BFSP1: variants seen among roughly 807,000 people sequenced by gnomAD.
The protein encoded by BFSP1 is beaded filament structural protein 1.
Under a neutral mutation model 43.9 loss-of-function variants are expected in BFSP1, and 38 were observed. The observed-to-expected ratio is 0.87, with a 90% CI of 0.67 to 1.14. The LOEUF (loss-of-function observed/expected upper bound fraction) is 1.14, where lower values mean the gene tolerates loss of function less well. BFSP1 is among the 50% of genes most tolerant of loss of function. BFSP1 has a pLI of 0.00. For synonymous variants in BFSP1, 352 were observed against 354.8 expected, an observed-to-expected ratio of 0.99 and a Z score of 0.09; for missense variants, 850 against 875.1, an observed-to-expected ratio of 0.97 and a Z score of 0.36.
intron 2 of BFSP1, among the ~76,000 whole-genome samples, chr20:17,520,374 T>C (rs1168935367): frequency 2.0e-5 from 3 of 151,944 alleles, no homozygotes; most frequent in African/African-American, 7.3e-5. Context: ...ACTCAAATGG[T>C]GGGGATTAAA....
chr20:17,523,164 C>G (rs2034351951), intron 2 of BFSP1, among the ~76,000 whole-genome samples: 1 of 152,116 alleles, frequency 6.6e-6, no homozygotes, highest in African/African-American at 2.4e-5. Context: ...CTTATTTTTT[C>G]TACTGAGAAT....
rs566285273 is a variant in BFSP1 at position 17,529,517 on chromosome 20, T to C, written c.377+1436A>G. Among the ~76,000 whole-genome samples the C allele has an allele frequency of 2.6e-5, 4 of 152,306 alleles. No homozygotes were observed. The South Asian group carries it at 8.3e-4, about 32-fold the overall frequency. On this transcript the variant is annotated intron_variant, in intron 1 of 7. Coordinates refer to ENST00000377873, the MANE Select transcript of BFSP1 (RefSeq NM_001195.5). Reference sequence around the variant, plus strand: ...TCATTGGGGCATGTGCCTGTGTGTGTGTCTGTGTGTGTGTGTCTTTGTGTG... The same window carrying C: ...TCATTGGGGCATGTGCCTGTGTGTGCGTCTGTGTGTGTGTGTCTTTGTGTG...
chr20:17,532,505 G>A (rs200797716), upstream of BFSP1, among the ~76,000 whole-genome samples: 39 of 151,668 alleles, frequency 2.6e-4, no homozygotes, highest in East Asian at 7.2e-3. Context: ...AAAATGAGAT[G>A]GGGTCTTGCT....
exon 1 of BFSP1, chr20:17,558,754 G>A: frequency 6.5e-7 from 1 of 1,548,616 alleles, no homozygotes; most frequent in South Asian, 1.2e-5. Flanking sequence ...CATCCAAGGT[G>A]TGCTGCCTGC....
chr20:17,501,256 T>A (rs150507067), intron 5 of BFSP1, among the ~76,000 whole-genome samples: 2 of 152,170 alleles, frequency 1.3e-5, no homozygotes, highest in African/African-American at 2.4e-5. Flanking sequence ...TAAGTGAAAA[T>A]GTAGCTTTCA....
intron 7 of BFSP1, among the ~76,000 whole-genome samples, chr20:17,495,845 T>G (rs1310124744): frequency 2.6e-5 from 4 of 152,180 alleles, no homozygotes; most frequent in Non-Finnish European, 5.9e-5. Context: ...TTCCCACTGG[T>G]AACCACAGGG....
At chr20:17,534,980 C>G (rs1338949487), upstream of BFSP1, among the ~76,000 whole-genome samples, 1 of 151,940 alleles carries the variant, frequency 6.6e-6, no homozygotes, top group Non-Finnish European at 1.5e-5. Flanking sequence ...AATATCACGC[C>G]ACTGCACTCC....
At position 17,507,755 on chromosome 20, in the gene BFSP1, G is replaced by C. The variant is rs1463162812; in HGVS notation, c.735+1134C>G. Reference sequence around the variant, plus strand: ...CCAGGATGAGGCACATGGTCCCTGAGCCAGGGTTTGTCTCACAAGAAGGAG... The same window carrying C: ...CCAGGATGAGGCACATGGTCCCTGACCCAGGGTTTGTCTCACAAGAAGGAG... On this transcript the variant is annotated intron_variant, in intron 5 of 7. Coordinates refer to ENST00000377873, the MANE Select transcript of BFSP1 (RefSeq NM_001195.5). This position sits in a 1 kb window ranked among gnomAD's most constrained non-coding sequence, Gnocchi z 4.4. 6.6e-6 allele frequency among the ~76,000 whole-genome samples: 1 copy of C among 152,162 alleles called. No individual in the cohort carries two copies. Among genetic ancestry groups the C allele is most frequent in the Non-Finnish European group, 1.5e-5 (1 of 68,042 alleles).
chr20:17,537,519 T>C (rs2034646082), intron 1 of BFSP1, among the ~76,000 whole-genome samples: 1 of 130,834 alleles, frequency 7.6e-6, no homozygotes, highest in South Asian at 2.3e-4. Context: ...AAGAGAGCAC[T>C]AAGCATCCAA....
intron 1 of BFSP1, among the ~76,000 whole-genome samples, chr20:17,568,751 G>A (rs542240373): frequency 1.5e-4 from 23 of 152,186 alleles, no homozygotes; most frequent in African/African-American, 4.8e-4. Context: ...GGGTTCCTAT[G>A]TTGAGTGGGG....
At chr20:17,563,711 G>A (rs2035088534), upstream of BFSP1, among the ~76,000 whole-genome samples, 1 of 151,754 alleles carries the variant, frequency 6.6e-6, no homozygotes, top group Non-Finnish European at 1.5e-5. Context: ...GGGAGATCTT[G>A]TTTCCACACA....
chr20:17,497,607 C>T (rs1480515197), intron 6 of BFSP1, among the ~76,000 whole-genome samples: 2 of 107,932 alleles, frequency 1.9e-5, no homozygotes, highest in East Asian at 2.8e-4. Flanking sequence ...TATATATATA[C>T]GTATATATAC....
chr20:17,557,647 A>T (rs529285365), intron 1 of BFSP1, among the ~76,000 whole-genome samples: 1 of 152,242 alleles, frequency 6.6e-6, no homozygotes, highest in South Asian at 2.1e-4. Flanking sequence ...TGCGCCTAAC[A>T]GTCTCTTTTG....
chr20:17,496,403 G>C (rs1464414685), intron 7 of BFSP1, among the ~76,000 whole-genome samples: 1 of 152,214 alleles, frequency 6.6e-6, no homozygotes, highest in East Asian at 1.9e-4. Flanking sequence ...AATGTTGAAG[G>C]CAGATGCCAC....
Position 17,531,093 on chromosome 20 carries a change from G to T in BFSP1, c.237C>A (p.Gly79=). 7.3e-7 allele frequency: 1 copy of T among 1,361,896 alleles called. No individual in the cohort carries two copies. Among genetic ancestry groups the T allele is most frequent in the Non-Finnish European group, 9.4e-7 (1 of 1,059,998 alleles). 84.4% of individuals were successfully genotyped at this position (1,361,896 alleles called of 1,614,324 possible). A position where few individuals can be genotyped will look rare whatever the true frequency, so the allele number is the denominator to read the frequency against. ...GGGCGTCCTCGGGCCCGGCCAGCTC[G>T]CCCAGGCGCTGGAAGGCATCCAGCT... ...RRQLDAFQRL[G]ELAGPEDALA... The change falls in exon 1 of 8, where the codon GGC becomes GGA. Residue 79 remains glycine, a synonymous_variant. Coordinates refer to ENST00000377873, the MANE Select transcript of BFSP1 (RefSeq NM_001195.5).
chr20:17,523,936 G>A (rs62202686), intron 2 of BFSP1, among the ~76,000 whole-genome samples: 3,521 of 152,142 alleles, frequency 0.023, 51 homozygotes, highest in Middle Eastern at 0.061. Flanking sequence ...AGGCTGCTTG[G>A]AGTTCCATGT....
At chr20:17,536,643 A>G (rs943952337) in intron 1 of BFSP1, among the ~76,000 whole-genome samples, 3 of 152,210 alleles carry the variant, frequency 2.0e-5, no homozygotes, top group Non-Finnish European at 4.4e-5. Context: ...ATAGGCTTAG[A>G]TGTTTTGCCT....
At chr20:17,544,903 C>T (rs1244700545) in intron 1 of BFSP1, among the ~76,000 whole-genome samples, 3 of 152,140 alleles carry the variant, frequency 2.0e-5, no homozygotes, top group Non-Finnish European at 4.4e-5. Context: ...TAAGACTTTC[C>T]CATGCATCCA....
At chr20:17,497,475 T>C (rs111832882) in intron 6 of BFSP1, among the ~76,000 whole-genome samples, 31,127 of 104,878 alleles carry the variant, frequency 0.3, 3,895 homozygotes, top group East Asian at 0.44. Flanking sequence ...CACACACGTA[T>C]ATATACGTGT....
Sources: allele counts gnomAD v4.1 joint callset (sites outside exome capture counted in the v4.1 genomes callset), GRCh38; gene constraint gnomAD v4.1.1; non-coding constraint Gnocchi (gnomAD v3.1); transcripts MANE v1.5; gene names NCBI Gene and HGNC (gene_info 2026-07-23, HGNC 2026-07-21).